The following PIAS1 variants were observed in gnomAD, a reference collection of about 807,000 sequenced individuals.
The protein encoded by PIAS1 is protein inhibitor of activated STAT 1, also known as E3 SUMO-protein ligase PIAS1.
Under a neutral mutation model 71.3 loss-of-function variants are expected in PIAS1, and 6 were observed. The ratio of observed to expected loss-of-function variants is 0.08; its 90% CI spans 0.05 to 0.17. The LOEUF is 0.17. PIAS1 is among the 10% of genes least tolerant of loss of function. The probability of loss-of-function intolerance (pLI) is 1.00; values close to 1 mark genes in which losing one functional copy is unlikely to be tolerated. For missense variants in PIAS1, 555 were observed against 793.6 expected (o/e 0.70, Z 3.61); for synonymous variants, 303 against 292.9 (o/e 1.03, Z -0.35).
chr15:68,098,856 C>T (rs2092399779), intron 2 of PIAS1, among the ~76,000 whole-genome samples: 1 of 152,128 alleles, frequency 6.6e-6, no homozygotes, highest in Non-Finnish European at 1.5e-5. Flanking sequence ...ATATATATCA[C>T]TATGCACTTG....
rs760673756 is a variant in PIAS1 at position 68,055,913 on chromosome 15, G to A, written c.24+1563G>A. ...TTACACTCCAAGATTCGTATGTTAAGGTATTGGCTTTGAGTGTCATTCTTT... is the reference window on the plus strand; with the variant it reads ...TTACACTCCAAGATTCGTATGTTAAAGTATTGGCTTTGAGTGTCATTCTTT... On this transcript the variant is annotated intron_variant, in intron 1 of 13. Transcript: ENST00000249636. The A allele has an allele frequency of 5.7e-6, 4 of 701,200 alleles. No homozygotes were observed. The East Asian group carries it at 8.1e-5, about 14-fold the overall frequency. 43.4% of individuals were successfully genotyped at this position (701,200 alleles called of 1,614,324 possible).
intron 6 of PIAS1, among the ~76,000 whole-genome samples, chr15:68,153,218 A>G (rs2092861207): frequency 6.6e-6 from 1 of 152,186 alleles, no homozygotes; most frequent in Non-Finnish European, 1.5e-5. Flanking sequence ...TCTTTGGCTT[A>G]TACTTAGTCT....
chr15:68,097,917 C>T (rs530091249), intron 2 of PIAS1, among the ~76,000 whole-genome samples: 1 of 152,204 alleles, frequency 6.6e-6, no homozygotes, highest in East Asian at 1.9e-4. Context: ...TAACATTTTC[C>T]ACTTCTGACA....
chr15:68,129,952 T>A (rs2092678490), intron 2 of PIAS1, among the ~76,000 whole-genome samples: 2 of 152,100 alleles, frequency 1.3e-5, no homozygotes, highest in South Asian at 4.1e-4. Context: ...GGGTAGACTT[T>A]TATTTTGTAA....
chr15:68,179,926 G>C (rs564273082), intron 11 of PIAS1, among the ~76,000 whole-genome samples: 69 of 151,912 alleles, frequency 4.5e-4, no homozygotes, highest in African/African-American at 1.7e-3. Context: ...CATGCCCCAG[G>C]TACTTTACAT....
chr15:68,129,238 A>C (rs1301452604), intron 2 of PIAS1, among the ~76,000 whole-genome samples: 1 of 151,996 alleles, frequency 6.6e-6, no homozygotes, highest in African/African-American at 2.4e-5. Context: ...GATATTTTAA[A>C]GTTATTTTTT....
intron 2 of PIAS1, among the ~76,000 whole-genome samples, chr15:68,114,973 C>A (rs2092553359): frequency 1.3e-5 from 2 of 151,988 alleles, no homozygotes; most frequent in Admixed American, 6.5e-5. Flanking sequence ...GATGGTGTTA[C>A]AAATCTTCTC....
chr15:68,111,949 A>T (rs1274215444), intron 2 of PIAS1, among the ~76,000 whole-genome samples: 3 of 152,178 alleles, frequency 2.0e-5, no homozygotes, highest in Non-Finnish European at 4.4e-5. Flanking sequence ...TTCTTAGGTG[A>T]CTTTTGTATC....
intron 11 of PIAS1, 67 bp downstream of exon 11, chr15:68,176,721 A>G: frequency 1.9e-6 from 2 of 1,057,594 alleles, no homozygotes; most frequent in Non-Finnish European, 2.7e-6. Context: ...GGGATTAAAG[A>G]CTTGCCAAAT....
rs537450839 is a variant in PIAS1, at chr15:68,191,561, G to A, written c.*3726G>A. 6.5e-6 allele frequency: 1 copy of A among 152,770 alleles called. No individual in the cohort carries two copies. The highest frequency in any genetic ancestry group is 2.4e-5 in the African/African-American group (1 of 41,576). The allele number at this position is 152,770 out of a possible 1,614,324, so 9.5% of individuals were successfully genotyped here. The stretch of plus-strand genomic sequence containing the variant: ...GTGCTTCCAAAGCACCTTTCATCCA[G>A]AGATTTCAAAGCATGACAAGTAACT... On this transcript the variant is annotated 3_prime_UTR_variant, in exon 14 of 14. Transcript: ENST00000249636.
intron 1 of PIAS1, among the ~76,000 whole-genome samples, chr15:68,058,473 G>A (rs1164109462): frequency 6.6e-6 from 1 of 152,174 alleles, no homozygotes; most frequent in Admixed American, 6.5e-5. Flanking sequence ...ACAAATAAAA[G>A]TGGCAGGGAC....
intron 1 of PIAS1, chr15:68,055,306 C>T (rs1458376387): frequency 1.5e-5 from 10 of 645,702 alleles, no homozygotes; most frequent in African/African-American, 2.0e-5. Context: ...TTGATTTGAA[C>T]GAAATTCTCC....
In PIAS1 at chr15:68,054,410, CA is replaced by C; in HGVS notation, c.24+61del. On this transcript the variant is annotated intron_variant, in intron 1 of 13. Coordinates refer to ENST00000249636, the MANE Select transcript of PIAS1 (RefSeq NM_016166.3). This position sits in a 1 kb window ranked among gnomAD's most constrained non-coding sequence, Gnocchi z 4.6. ...GCCGCGGAGACGGCGCCGCTGCTGC[CA>C]GGGGGGATGGGTCCGACCCTGGGGG... 1.1e-5 allele frequency: 17 copies of C among 1,531,320 alleles called. No homozygotes were observed. Among genetic ancestry groups the C allele is most frequent in the East Asian group, 2.5e-5 (1 of 40,598 alleles). The allele number at this position is 1,531,320 out of a possible 1,614,324, so 94.9% of individuals were successfully genotyped here.
In PIAS1 at chr15:68,187,203, T is replaced by C. The variant is rs145324680; in HGVS notation, c.1663-339T>C. 0.016 allele frequency among the ~76,000 whole-genome samples: 2,438 copies of C among 152,342 alleles called. 31 individuals carry two copies. The highest frequency in any genetic ancestry group is 0.025 in the Non-Finnish European group (1,696 of 68,024). ...TAGATTTCTTGGCTAAGTATCTCCT[T>C]ACTAGCAAGAGCATGGACTGTCTGC... On this transcript the variant is annotated intron_variant, in intron 13 of 13. Transcript: ENST00000249636. This position sits in a 1 kb window ranked among gnomAD's most constrained non-coding sequence, Gnocchi z 5.3.
At position 68,099,133 on chromosome 15, in the gene PIAS1, G is replaced by T. The variant is rs189116727; in HGVS notation, c.469+12383G>T. Among the ~76,000 whole-genome samples the T allele has an allele frequency of 3.6e-3, 532 of 148,986 alleles. 3 individuals are homozygous for T. Among genetic ancestry groups the T allele is most frequent in the Middle Eastern group, 6.9e-3 (2 of 288 alleles). ...TCTCTTATGGGTGAGGGTGAAGTTT[G>T]TTGTTGTTGTTGTTGTTGTTTTTAA... On this transcript the variant is annotated intron_variant, in intron 2 of 13. Transcript: ENST00000249636.
Position 68,079,991 on chromosome 15 carries a change from C to A in PIAS1, c.25-6315C>A, listed in dbSNP as rs377177199. ...AGGATTACAGGCATGCACCACCATG[C>A]CCGGCTAATTTTGTATTTTTGGTAG... On this transcript the variant is annotated intron_variant, in intron 1 of 13. Transcript: ENST00000249636. 1.1e-4 allele frequency among the ~76,000 whole-genome samples: 16 copies of A among 152,080 alleles called. No individual in the cohort carries two copies. In the East Asian group the frequency reaches 2.5e-3, roughly 24 times the overall value.
At chr15:68,120,530 AT>A (rs1567050696) in intron 2 of PIAS1, among the ~76,000 whole-genome samples, 1 of 151,990 alleles carries the variant, frequency 6.6e-6, no homozygotes, top group Admixed American at 6.6e-5. Context: ...GTTTTGTAGT[AT>A]ACGTCTTTAA....
At chr15:68,056,420 A>G (rs1338227682) in intron 1 of PIAS1, among the ~76,000 whole-genome samples, 1 of 152,220 alleles carries the variant, frequency 6.6e-6, no homozygotes, top group East Asian at 1.9e-4. Flanking sequence ...ATGAACCAGT[A>G]TCAGATAAAC....
intron 2 of PIAS1, among the ~76,000 whole-genome samples, chr15:68,095,192 C>T (rs1249246950): frequency 6.6e-6 from 1 of 151,848 alleles, no homozygotes; most frequent in Non-Finnish European, 1.5e-5. Flanking sequence ...TCAAAGAAAT[C>T]CAACATTTAA....
Sources: allele counts gnomAD v4.1 joint callset (sites outside exome capture counted in the v4.1 genomes callset), GRCh38; gene constraint gnomAD v4.1.1; non-coding constraint Gnocchi (gnomAD v3.1); transcripts MANE v1.5; gene names NCBI Gene and HGNC (gene_info 2026-07-23, HGNC 2026-07-21).